CYFIP2: variants seen among roughly 807,000 people sequenced by gnomAD.
CYFIP2 encodes cytoplasmic FMR1 interacting protein 2, also known as cytoplasmic FMR1-interacting protein 2.
CYFIP2 carries 29 observed loss-of-function variants against 158.7 expected under a neutral mutation model. The ratio of observed to expected loss-of-function variants is 0.18; its 90% CI spans 0.14 to 0.25. CYFIP2 has a LOEUF of 0.25. Ranked by LOEUF, CYFIP2 falls within the 10% of genes least tolerant of loss-of-function variation. The probability of loss-of-function intolerance (pLI) is 1.00; values close to 1 mark genes in which losing one functional copy is unlikely to be tolerated. For missense variants in CYFIP2, 852 were observed against 1,639.5 expected (o/e 0.52, Z 8.29); for synonymous variants, 585 against 617.6 (o/e 0.95, Z 0.78).
At chr5:157,389,855 G>A (rs1269645618) in intron 29 of CYFIP2, among the ~76,000 whole-genome samples, 4 of 152,206 alleles carry the variant, frequency 2.6e-5, no homozygotes, top group Non-Finnish European at 4.4e-5. Context: ...TCAGAGCAGC[G>A]CTAGCCTGTA....
chr5:157,312,327 CT>C (rs967215648), intron 11 of CYFIP2, among the ~76,000 whole-genome samples: 94 of 144,680 alleles, frequency 6.5e-4, no homozygotes, highest in African/African-American at 1.2e-3. Context: ...TTTTTAAAAA[CT>C]TTTTTTTTTT....
At chr5:157,300,665 C>T in intron 5 of CYFIP2, 50 bp from the exon 6 acceptor site, 2 of 1,387,752 alleles carry the variant, frequency 1.4e-6, no homozygotes, top group Non-Finnish European at 1.9e-6. Context: ...CTGGACCCTG[C>T]CCCCATAAGG....
At chr5:157,274,921 T>C (rs1291026044) in intron 1 of CYFIP2, among the ~76,000 whole-genome samples, 2 of 152,154 alleles carry the variant, frequency 1.3e-5, no homozygotes, top group African/African-American at 4.8e-5. Context: ...TAAGAATTCA[T>C]TTTTTAAATT....
Position 157,326,139 on chromosome 5 carries a change from GC to G in CYFIP2, c.1983-31del, listed in dbSNP as rs756705865. ...CTGTCTTCCTTAAGGGGGGTTATTAGCAAGCGGCTGGCTGTGTTTTTCCCTC... is the reference window on the plus strand; with the variant it reads ...CTGTCTTCCTTAAGGGGGGTTATTAGAAGCGGCTGGCTGTGTTTTTCCCTC... On this transcript the variant is annotated intron_variant, in intron 17 of 30. Transcript: ENST00000620254. 10 of 1,527,770 alleles carry G rather than the reference GC, an allele frequency of 6.5e-6. No individual in the cohort carries two copies. In the South Asian group the frequency reaches 1.1e-4, roughly 17 times the overall value. 94.6% of individuals were successfully genotyped at this position (1,527,770 alleles called of 1,614,324 possible).
At chr5:157,321,426 C>CA (rs1158533619) in intron 15 of CYFIP2, among the ~76,000 whole-genome samples, 9 of 152,352 alleles carry the variant, frequency 5.9e-5, no homozygotes, top group African/African-American at 2.2e-4. Context: ...TGGAAACACT[C>CA]AGAGTTGCCA....
At chr5:157,356,359 C>T (rs1009121828) in intron 23 of CYFIP2, among the ~76,000 whole-genome samples, 3 of 152,182 alleles carry the variant, frequency 2.0e-5, no homozygotes, top group Non-Finnish European at 4.4e-5. Context: ...AAAGGCCCAC[C>T]TCCTAATACT....
chr5:157,281,236 G>A (rs960547208), intron 1 of CYFIP2, among the ~76,000 whole-genome samples: 2 of 152,084 alleles, frequency 1.3e-5, no homozygotes, highest in South Asian at 2.1e-4. Flanking sequence ...TTCTTGGTGC[G>A]TTTTTCCATC....
chr5:157,342,763 G>T, intron 23 of CYFIP2: 1 of 1,218,318 alleles, frequency 8.2e-7, no homozygotes, highest in Non-Finnish European at 1.1e-6. Flanking sequence ...AGTGACGTTT[G>T]ATGGGAGAGA....
chr5:157,319,631 C>T, intron 13 of CYFIP2, 131 bp from the exon 14 acceptor site: 8 of 1,089,132 alleles, frequency 7.3e-6, no homozygotes, highest in Non-Finnish European at 1.0e-5. Context: ...CATGCGCTGG[C>T]ACTTTGAGTA....
chr5:157,317,943 C>T (rs1356170550), intron 13 of CYFIP2, among the ~76,000 whole-genome samples: 1 of 152,186 alleles, frequency 6.6e-6, no homozygotes, highest in Non-Finnish European at 1.5e-5. Context: ...CGCCACTGAT[C>T]CAAGATTCTC....
intron 1 of CYFIP2, among the ~76,000 whole-genome samples, chr5:157,276,183 G>A (rs771663182): frequency 2.0e-5 from 3 of 152,164 alleles, no homozygotes; most frequent in Non-Finnish European, 4.4e-5. Flanking sequence ...CCAGTACAAT[G>A]TTGAATAGAA....
At chr5:157,387,354 TG>T (rs926376600) in intron 28 of CYFIP2, among the ~76,000 whole-genome samples, 1 of 152,040 alleles carries the variant, frequency 6.6e-6, no homozygotes, top group Non-Finnish European at 1.5e-5. Flanking sequence ...CTGTAGTGGG[TG>T]GGGGGCACCA....
intron 13 of CYFIP2, 71 bp from the exon 14 acceptor site, chr5:157,319,691 G>T: frequency 6.4e-7 from 1 of 1,560,390 alleles, no homozygotes; most frequent in Non-Finnish European, 8.7e-7. Flanking sequence ...CCCCTGGCAG[G>T]GCGGTGATGG....
chr5:157,325,391 T>C (rs1367637215), intron 16 of CYFIP2, 91 bp from the exon 17 acceptor site: 3 of 1,376,632 alleles, frequency 2.2e-6, no homozygotes, highest in Non-Finnish European at 2.9e-6. Context: ...CCTAACACAG[T>C]GACAATAACA....
At chr5:157,298,359 T>A (rs1758422483) in intron 5 of CYFIP2, among the ~76,000 whole-genome samples, 1 of 151,796 alleles carries the variant, frequency 6.6e-6, no homozygotes, top group African/African-American at 2.4e-5. Flanking sequence ...TGAGACAGAG[T>A]CTCTCTCTGT....
chr5:157,327,975 G>C lies in CYFIP2; in HGVS notation c.2082G>C (p.Val694=). ...QFLYDEIEAE[V]NLCFDQFVYK... ...GTTTCCTGCTTCCTCTCCACCAGGT[G>C]AACCTGTGTTTTGATCAGTTTGTCT... The change falls in exon 19 of 31, where the codon GTG becomes GTC. Residue 694 remains valine (V), a splice_region_variant and synonymous_variant. Transcript: ENST00000620254. 6.2e-7 allele frequency: 1 copy of C among 1,613,884 alleles called. No individual in the cohort carries two copies. The highest frequency in any genetic ancestry group is 8.5e-7 in the Non-Finnish European group (1 of 1,179,822).
At chr5:157,321,483 T>G (rs998605143) in intron 15 of CYFIP2, among the ~76,000 whole-genome samples, 50 of 152,100 alleles carry the variant, frequency 3.3e-4, no homozygotes, top group African/African-American at 1.2e-3. Flanking sequence ...TCCAGAGCAG[T>G]CATAACGTTA....
intron 12 of CYFIP2, among the ~76,000 whole-genome samples, chr5:157,314,740 A>G (rs1365097364): frequency 1.3e-5 from 2 of 152,122 alleles, no homozygotes; most frequent in Admixed American, 6.5e-5. Context: ...TTCTACCTCT[A>G]TAGGTTTCCC....
intron 2 of CYFIP2, among the ~76,000 whole-genome samples, chr5:157,286,522 A>G (rs1030987404): frequency 2.0e-5 from 3 of 147,640 alleles, no homozygotes; most frequent in Non-Finnish European, 1.5e-5. Context: ...CATGGTACTT[A>G]AAAGTCCATT....
Sources: allele counts gnomAD v4.1 joint callset (sites outside exome capture counted in the v4.1 genomes callset), GRCh38; gene constraint gnomAD v4.1.1; transcripts MANE v1.5; gene names NCBI Gene and HGNC (gene_info 2026-07-23, HGNC 2026-07-21).